Variants in DISC1 observed in about 807,000 individuals in gnomAD.
The protein encoded by DISC1 is disrupted in schizophrenia 1 protein.
In DISC1, 57 loss-of-function variants were observed where a neutral mutation model predicts 84.5. The ratio of observed to expected loss-of-function variants is 0.67; its 90% CI spans 0.55 to 0.84. DISC1 has a LOEUF of 0.84. Ranked by LOEUF, DISC1 falls within the 40% of genes least tolerant of loss-of-function variation. DISC1 has a pLI of 0.00. For synonymous variants in DISC1, 411 were observed against 415.2 expected (o/e 0.99, Z 0.12); for missense variants, 1,000 against 1,057.8 (o/e 0.95, Z 0.76).
chr1:231,775,537 T>C (rs2076898830), intron 6 of DISC1, among the ~76,000 whole-genome samples: 1 of 152,160 alleles, frequency 6.6e-6, no homozygotes, highest in South Asian at 2.1e-4. Flanking sequence ...GGAGATGAAG[T>C]GTTACCATCC....
chr1:231,931,444 G>A (rs1326413340), intron 9 of DISC1, among the ~76,000 whole-genome samples: 1 of 152,182 alleles, frequency 6.6e-6, no homozygotes, highest in South Asian at 2.1e-4. Flanking sequence ...GAGAGGGTTT[G>A]CGTATAAAAT....
chr1:231,849,080 T>C (rs186952814), intron 9 of DISC1, among the ~76,000 whole-genome samples: 1 of 152,182 alleles, frequency 6.6e-6, no homozygotes, highest in Non-Finnish European at 1.5e-5. Flanking sequence ...TGTGTTACGT[T>C]TACTTATCAC....
intron 6 of DISC1, among the ~76,000 whole-genome samples, chr1:231,777,981 G>T (rs1214471271): frequency 6.6e-6 from 1 of 152,166 alleles, no homozygotes; most frequent in Non-Finnish European, 1.5e-5. Flanking sequence ...GCCTGGGAGA[G>T]ACCAGGCCTT....
At chr1:231,965,415 G>A (rs1459562829) in intron 10 of DISC1, among the ~76,000 whole-genome samples, 3 of 152,064 alleles carry the variant, frequency 2.0e-5, no homozygotes. Context: ...GTCAGTACCT[G>A]GTCATTCCAT....
intron 3 of DISC1, among the ~76,000 whole-genome samples, chr1:231,728,862 C>T (rs1420883400): frequency 6.6e-6 from 1 of 152,120 alleles, no homozygotes; most frequent in East Asian, 1.9e-4. Context: ...TTTTATTATG[C>T]TTTAAGTTTT....
chr1:231,795,181 CTG>C, intron 6 of DISC1, 59 bp from the exon 7 acceptor site: 1 of 1,504,238 alleles, frequency 6.6e-7, no homozygotes, highest in Non-Finnish European at 9.3e-7. Flanking sequence ...GTGTTCCTAA[CTG>C]TAGTGGTATT....
In DISC1 at chr1:232,031,564, A is replaced by G. The variant is rs1435419905; in HGVS notation, c.2425+5012A>G. Among the ~76,000 whole-genome samples the G allele has an allele frequency of 6.6e-6, 1 of 152,186 alleles. No individual in the cohort carries two copies. Among genetic ancestry groups the G allele is most frequent in the African/African-American group, 2.4e-5 (1 of 41,450 alleles). ...AAAACCCAGAGCCTAAGATGACAGTATCTAAAGCTTTGTGTGTGATGGGCT... is the reference window on the plus strand; with the variant it reads ...AAAACCCAGAGCCTAAGATGACAGTGTCTAAAGCTTTGTGTGTGATGGGCT... On this transcript the variant is annotated intron_variant, in intron 12 of 12. Transcript: ENST00000439617. The surrounding 1 kb of genome is among the most constrained non-coding windows in gnomAD (Gnocchi z 4.6).
intron 1 of DISC1, among the ~76,000 whole-genome samples, chr1:231,686,341 G>A (rs148953451): frequency 0.011 from 1,604 of 152,312 alleles, 8 homozygotes; most frequent in Middle Eastern, 0.017. Flanking sequence ...GCATCCAGCC[G>A]TTTCCATACG....
chr1:231,839,165 G>C (rs570945748), intron 9 of DISC1, among the ~76,000 whole-genome samples: 2 of 152,296 alleles, frequency 1.3e-5, no homozygotes, highest in East Asian at 3.9e-4. Context: ...TTGTTTTAGG[G>C]AAGAGGAGAG....
chr1:231,709,733 T>C (rs1332142998), intron 3 of DISC1, among the ~76,000 whole-genome samples: 1 of 152,202 alleles, frequency 6.6e-6, no homozygotes, highest in Non-Finnish European at 1.5e-5. Flanking sequence ...TTGAAACTTG[T>C]ACATGATTTC....
chr1:232,023,207 G>C (rs566321842), intron 11 of DISC1, among the ~76,000 whole-genome samples: 1 of 152,162 alleles, frequency 6.6e-6, no homozygotes, highest in South Asian at 2.1e-4. Context: ...ATATTTTGAT[G>C]CTTTGCCTAT....
intron 9 of DISC1, among the ~76,000 whole-genome samples, chr1:231,871,022 T>A (rs1366568357): frequency 6.6e-6 from 1 of 152,082 alleles, no homozygotes; most frequent in Non-Finnish European, 1.5e-5. Context: ...GGGGGTGCAC[T>A]GTTGGGGATG....
chr1:231,795,059 G>C (rs546930705), intron 6 of DISC1, among the ~76,000 whole-genome samples, 183 bp from the exon 7 acceptor site: 1 of 152,290 alleles, frequency 6.6e-6, no homozygotes, highest in East Asian at 1.9e-4. Flanking sequence ...AGGGAGGAAA[G>C]GTCTGTTTCC....
At position 231,886,800 on chromosome 1, in the gene DISC1, T is replaced by TTTCTTTCC. The variant is rs1558692282; in HGVS notation, c.1981+68290_1981+68291insCTTCTTTC. On this transcript the variant is annotated intron_variant, in intron 9 of 12. Coordinates refer to ENST00000439617, the MANE Select transcript of DISC1 (RefSeq NM_018662.3). ...CTTTCTTTCTTTCTTTCTTTCTTTCTTTCTTTCTTTCTTTCTTTCTTTCTT... is the reference window on the plus strand; with the variant it reads ...CTTTCTTTCTTTCTTTCTTTCTTTCTTTCTTTCCTTCTTTCTTTCTTTCTTTCTTTCTT... Among the ~76,000 whole-genome samples the TTTCTTTCC allele has an allele frequency of 8.5e-5, 12 of 140,948 alleles. 1 individual carries two copies. Among genetic ancestry groups the TTTCTTTCC allele is most frequent in the African/African-American group, 2.5e-4 (9 of 35,434 alleles). 92.5% of individuals were successfully genotyped at this position (140,948 alleles called of 152,430 possible). A position where few individuals can be genotyped will look rare whatever the true frequency, so the allele number is the denominator to read the frequency against.
chr1:231,847,355 C>T (rs1056549422), intron 9 of DISC1, among the ~76,000 whole-genome samples: 18 of 152,154 alleles, frequency 1.2e-4, no homozygotes, highest in African/African-American at 3.6e-4. Flanking sequence ...AAGTCACATT[C>T]TGAAGTACCA....
intron 3 of DISC1, among the ~76,000 whole-genome samples, chr1:231,711,367 T>C (rs1474806852): frequency 1.3e-5 from 2 of 148,238 alleles, no homozygotes; most frequent in Non-Finnish European, 3.0e-5. Flanking sequence ...CTTTTTTTTT[T>C]TTTTTTTTTT....
intron 3 of DISC1, among the ~76,000 whole-genome samples, chr1:231,725,645 G>A (rs1212117947): frequency 1.3e-5 from 2 of 152,234 alleles, no homozygotes; most frequent in East Asian, 1.9e-4. Flanking sequence ...GATGATTGCT[G>A]TCTAACACCA....
intron 9 of DISC1, among the ~76,000 whole-genome samples, chr1:231,937,980 T>G (rs975770127): frequency 5.3e-5 from 8 of 152,090 alleles, no homozygotes; most frequent in African/African-American, 1.4e-4. Flanking sequence ...TCCCGGGGGT[T>G]CTTGGCTTCC....
At chr1:231,772,234 G>A (rs2076606218) in intron 6 of DISC1, among the ~76,000 whole-genome samples, 1 of 152,132 alleles carries the variant, frequency 6.6e-6, no homozygotes, top group African/African-American at 2.4e-5. Flanking sequence ...GGGATTACAG[G>A]TTTTAGCCAT....
Sources: gnomAD v4.1 joint callset for allele counts (sites outside exome capture counted in the v4.1 genomes callset) on GRCh38, gnomAD v4.1.1 for gene constraint, Gnocchi (gnomAD v3.1) non-coding constraint, MANE v1.5 for transcripts, NCBI Gene and HGNC (gene_info 2026-07-23, HGNC 2026-07-21) for gene names.